C5orf24: variants seen among roughly 807,000 people sequenced by gnomAD.
C5orf24 encodes UPF0461 protein C5orf24.
C5orf24 carries 4 observed loss-of-function variants against 9.8 expected under a neutral mutation model. The ratio of observed to expected loss-of-function variants is 0.41; its 90% CI spans 0.20 to 0.93. C5orf24 has a LOEUF of 0.93. Among genes scored for constraint, C5orf24 ranks in the 40% least tolerant of loss-of-function variants. The pLI is 0.33. For missense variants in C5orf24, 170 were observed against 236.9 expected (o/e 0.72, Z 1.85); for synonymous variants, 73 against 81.3 (o/e 0.90, Z 0.55).
At chr5:134,840,652 G>C in the C5orf24 span, among the ~76,000 whole-genome samples, 2 of 151,768 alleles carry the variant, frequency 1.3e-5, no homozygotes, top group African/African-American at 4.8e-5. Context: ...TCCCACCTCA[G>C]CATCCTAAGT....
chr5:134,843,332 G>A (rs1047200472), upstream of C5orf24, among the ~76,000 whole-genome samples: 3 of 152,092 alleles, frequency 2.0e-5, no homozygotes, highest in Admixed American at 1.3e-4. Context: ...TTATTTTCAA[G>A]AACAATATAA....
rs866647000 is a variant in C5orf24, at chr5:134,856,697, G to A, written c.*1230G>A. On this transcript the variant is annotated 3_prime_UTR_variant, in exon 2 of 2. Transcript: ENST00000394976. ...TAAATAAATAAAACCATTTATTGATGTTGCTCATTTATTTGGAACGTTTTT... is the reference window on the plus strand; with the variant it reads ...TAAATAAATAAAACCATTTATTGATATTGCTCATTTATTTGGAACGTTTTT... 1.0e-6 allele frequency: 1 copy of A among 954,434 alleles called. No individual in the cohort carries two copies. Among genetic ancestry groups the A allele is most frequent in the Non-Finnish European group, 1.3e-6 (1 of 788,556 alleles). The allele number at this position is 954,434 out of a possible 1,614,324, so 59.1% of individuals were successfully genotyped here. A position where few individuals can be genotyped will look rare whatever the true frequency, so the allele number is the denominator to read the frequency against.
chr5:134,837,308 T>G, the C5orf24 span, among the ~76,000 whole-genome samples: 1 of 152,322 alleles, frequency 6.6e-6, no homozygotes, highest in East Asian at 1.9e-4. Flanking sequence ...AATTCAGATA[T>G]AATATGTACA....
rs1391407287 is a variant in C5orf24 at position 134,855,719 on chromosome 5, G to A, written c.*252G>A. Reference sequence around the variant, plus strand: ...CTAAATCATTTTTCCTTTTCCTTTAGAGTTATGGTCATGTCTCATGTTTCA... The same window carrying A: ...CTAAATCATTTTTCCTTTTCCTTTAAAGTTATGGTCATGTCTCATGTTTCA... On this transcript the variant is annotated 3_prime_UTR_variant, in exon 2 of 2. Coordinates refer to ENST00000394976, the MANE Select transcript of C5orf24 (RefSeq NM_001135586.1). 7.3e-7 allele frequency: 1 copy of A among 1,364,338 alleles called. No individual in the cohort carries two copies. The highest frequency in any genetic ancestry group is 1.5e-5 in the African/African-American group (1 of 67,640). 84.5% of individuals were successfully genotyped at this position (1,364,338 alleles called of 1,614,324 possible).
chr5:134,848,395 G>A (rs182477133), intron 1 of C5orf24, among the ~76,000 whole-genome samples: 1 of 152,026 alleles, frequency 6.6e-6, no homozygotes, highest in East Asian at 1.9e-4. Flanking sequence ...GGTGGCTCAC[G>A]CCTGTAATCC....
chr5:134,846,716 T>C (rs1179711318), intron 1 of C5orf24: 1 of 152,160 alleles, frequency 6.6e-6, no homozygotes, highest in Admixed American at 6.5e-5. Flanking sequence ...GGAGAGTCCT[T>C]ATTTGTGCAC....
Position 134,855,809 on chromosome 5 carries a change from A to G in C5orf24, c.*342A>G, listed in dbSNP as rs1312822490. On this transcript the variant is annotated 3_prime_UTR_variant, in exon 2 of 2. Transcript: ENST00000394976. ...ATAAACAACTGAAACCATTATACCTATTAGTTTGTGAAGTAAGCCTACAGT... is the reference window on the plus strand; with the variant it reads ...ATAAACAACTGAAACCATTATACCTGTTAGTTTGTGAAGTAAGCCTACAGT... 4.4e-6 allele frequency: 5 copies of G among 1,128,898 alleles called. No individual in the cohort carries two copies. The highest frequency in any genetic ancestry group is 5.5e-6 in the Non-Finnish European group (5 of 911,314). 69.9% of individuals were successfully genotyped at this position (1,128,898 alleles called of 1,614,324 possible). A position where few individuals can be genotyped will look rare whatever the true frequency, so the allele number is the denominator to read the frequency against.
At chr5:134,848,281 A>G (rs1206874063) in intron 1 of C5orf24, among the ~76,000 whole-genome samples, 4 of 152,106 alleles carry the variant, frequency 2.6e-5, no homozygotes, top group Non-Finnish European at 4.4e-5. Context: ...ACTGTTCTCC[A>G]GCCTGGGCGA....
chr5:134,836,335 C>T, the C5orf24 span, among the ~76,000 whole-genome samples: 4 of 151,976 alleles, frequency 2.6e-5, no homozygotes, highest in Admixed American at 6.6e-5. Flanking sequence ...CCACACCTGG[C>T]TAAATTTTTG....
At chr5:134,847,276 A>G (rs1285362514) in intron 1 of C5orf24, among the ~76,000 whole-genome samples, 2 of 152,102 alleles carry the variant, frequency 1.3e-5, no homozygotes, top group Admixed American at 1.3e-4. Flanking sequence ...CATTCAGGGA[A>G]CTATTTATTG....
intron 1 of C5orf24, among the ~76,000 whole-genome samples, chr5:134,854,142 G>A (rs149188836): frequency 7.8e-4 from 119 of 152,278 alleles, no homozygotes; most frequent in African/African-American, 2.7e-3. Flanking sequence ...TGTAGTATAA[G>A]TCTTAAGCAT....
chr5:134,840,990 G>A (rs566224771), upstream of C5orf24, among the ~76,000 whole-genome samples: 1 of 152,248 alleles, frequency 6.6e-6, no homozygotes, highest in South Asian at 2.1e-4. Context: ...CACATTGTTA[G>A]ACTATCTTGC....
intron 1 of C5orf24, among the ~76,000 whole-genome samples, chr5:134,850,527 C>T (rs1193720412): frequency 2.0e-5 from 3 of 150,606 alleles, no homozygotes; most frequent in Non-Finnish European, 2.9e-5. Context: ...GGCTGGAGTG[C>T]AATGTTGCGA....
rs1236361272 is a variant in C5orf24, at chr5:134,854,886, T to C, written c.-3-12T>C. ...TGTGTATTTATATATATTTGTCTTT[T>C]ATTTTTGGTAGAAAATGATGCATCC... On this transcript the variant is annotated splice_polypyrimidine_tract_variant and intron_variant, in intron 1 of 1. Transcript: ENST00000394976. The C allele has an allele frequency of 6.2e-7, 1 of 1,612,612 alleles. No individual in the cohort carries two copies. Among genetic ancestry groups the C allele is most frequent in the Admixed American group, 1.7e-5 (1 of 59,468 alleles).
intron 1 of C5orf24, among the ~76,000 whole-genome samples, chr5:134,852,395 A>T (rs574213546): frequency 2.6e-5 from 4 of 152,352 alleles, no homozygotes; most frequent in Admixed American, 2.0e-4. Context: ...TCAAATTGAG[A>T]CTTTAAGCCA....
At chr5:134,838,214 A>G in the C5orf24 span, among the ~76,000 whole-genome samples, 5 of 152,230 alleles carry the variant, frequency 3.3e-5, no homozygotes, top group Non-Finnish European at 5.9e-5. Context: ...TTCAAAAGAC[A>G]AATTCACTGG....
At chr5:134,850,775 C>G (rs1194810541) in intron 1 of C5orf24, among the ~76,000 whole-genome samples, 4 of 151,918 alleles carry the variant, frequency 2.6e-5, no homozygotes, top group Non-Finnish European at 5.9e-5. Flanking sequence ...CCATGCCCAG[C>G]CGCACGACTA....
At chr5:134,844,806 C>T (rs1005111829), upstream of C5orf24, among the ~76,000 whole-genome samples, 7 of 152,210 alleles carry the variant, frequency 4.6e-5, no homozygotes, top group East Asian at 7.7e-4. Flanking sequence ...GGTGCGATCT[C>T]GGCTCACAGC....
Position 134,856,066 on chromosome 5 carries a change from T to TTAACC in C5orf24, c.*600_*604dup. The TTAACC allele has an allele frequency of 1.0e-6, 1 of 1,000,906 alleles. No individual in the cohort carries two copies. The highest frequency in any genetic ancestry group is 4.7e-5 in the South Asian group (1 of 21,310). The allele number at this position is 1,000,906 out of a possible 1,614,324, so 62.0% of individuals were successfully genotyped here. On this transcript the variant is annotated 3_prime_UTR_variant, in exon 2 of 2. Coordinates refer to ENST00000394976, the MANE Select transcript of C5orf24 (RefSeq NM_001135586.1). ...ATTGATCTACATGGCATTAATTGAT[T>TTAACC]TAACCATTATACCTGAAATAATTCT...
Sources: gnomAD v4.1 joint callset for allele counts (sites outside exome capture counted in the v4.1 genomes callset) on GRCh38, gnomAD v4.1.1 for gene constraint, MANE v1.5 for transcripts, NCBI Gene and HGNC (gene_info 2026-07-23, HGNC 2026-07-21) for gene names.